Variants in INKA2 observed in about 807,000 individuals in gnomAD.
INKA2 encodes the protein PAK4-inhibitor INKA2.
In INKA2, 3 loss-of-function variants were observed where a neutral mutation model predicts 9.8. That is an observed-to-expected ratio of 0.31 (90% CI 0.14 to 0.79). The LOEUF (loss-of-function observed/expected upper bound fraction) is 0.79, where lower values mean the gene tolerates loss of function less well. INKA2 is among the 30% of genes least tolerant of loss of function. The pLI is 0.62. For missense variants in INKA2, 392 were observed against 384.4 expected, an observed-to-expected ratio of 1.02 and a Z score of -0.17; for synonymous variants, 147 against 143.3, an observed-to-expected ratio of 1.03 and a Z score of -0.18.
At chr1:111,755,557 C>G in intron 1 of INKA2, 1 of 901,068 alleles carries the variant, frequency 1.1e-6, no homozygotes, top group East Asian at 2.8e-5. Flanking sequence ...GCGTGACGCA[C>G]CGGGCGCATC....
At chr1:111,734,906 C>T (rs1662981340) in intron 1 of INKA2, among the ~76,000 whole-genome samples, 1 of 152,158 alleles carries the variant, frequency 6.6e-6, no homozygotes, top group Non-Finnish European at 1.5e-5. Flanking sequence ...TATTTCTGCC[C>T]CAGAGGTCTG....
upstream of INKA2, among the ~76,000 whole-genome samples, chr1:111,742,907 A>G (rs1287506417): frequency 2.0e-5 from 3 of 152,196 alleles, no homozygotes; most frequent in African/African-American, 4.8e-5. Flanking sequence ...GAGAAGGCCA[A>G]CGTTACCCCA....
rs1662765347 is a variant in INKA2, at chr1:111,726,192, ATGCC to A, written c.*772_*775del. 1 of 397,144 alleles carries A rather than the reference ATGCC, an allele frequency of 2.5e-6. No individual in the cohort carries two copies. Among genetic ancestry groups the A allele is most frequent in the Non-Finnish European group, 4.4e-6 (1 of 225,136 alleles). 24.6% of individuals were successfully genotyped at this position (397,144 alleles called of 1,614,324 possible). ...GTTTCCTTATCTGGAAAATGGGATCATGCCTGCCTGCCTCGCTCACTTTCAAATG... is the reference window on the plus strand; with the variant it reads ...GTTTCCTTATCTGGAAAATGGGATCATGCCTGCCTCGCTCACTTTCAAATG... On this transcript the variant is annotated 3_prime_UTR_variant, in exon 2 of 2. Transcript: ENST00000357260.
chr1:111,749,617 G>A (rs967034248), intron 1 of INKA2, among the ~76,000 whole-genome samples: 1 of 152,184 alleles, frequency 6.6e-6, no homozygotes, highest in Non-Finnish European at 1.5e-5. Context: ...AAGAGACAAA[G>A]GCCTCTTCAA....
intron 1 of INKA2, among the ~76,000 whole-genome samples, chr1:111,748,446 C>T (rs562772619): frequency 2.0e-5 from 3 of 152,198 alleles, no homozygotes; most frequent in South Asian, 2.1e-4. Flanking sequence ...GTCGAGAGCA[C>T]GGTTCTAAAT....
upstream of INKA2, among the ~76,000 whole-genome samples, chr1:111,740,640 GC>G (rs1180903115): frequency 6.6e-6 from 1 of 152,236 alleles, no homozygotes; most frequent in East Asian, 1.9e-4. Context: ...TGCCGGCGCC[GC>G]CATCGGTCCG....
rs1307540234 is a variant in INKA2 at position 111,726,668 on chromosome 1, C to T, written c.*300G>A. ...CTCTGCCCTCACCTACTGTCACCTC[C>T]AGCCCCAAAGTGAGTGCATGCATGC... is the stretch of plus-strand genomic sequence containing the variant. On this transcript the variant is annotated 3_prime_UTR_variant, in exon 2 of 2. Transcript: ENST00000357260. 7.8e-6 allele frequency: 3 copies of T among 383,572 alleles called. No homozygotes were observed. Among genetic ancestry groups the T allele is most frequent in the Non-Finnish European group, 1.4e-5 (3 of 211,374 alleles). 23.8% of individuals were successfully genotyped at this position (383,572 alleles called of 1,614,324 possible).
chr1:111,735,951 C>T (rs563858428), intron 1 of INKA2, among the ~76,000 whole-genome samples: 19 of 152,300 alleles, frequency 1.2e-4, no homozygotes, highest in African/African-American at 3.4e-4. Context: ...TCAGCCTTTA[C>T]GCATTCTATT....
chr1:111,751,781 A>AT (rs1162133313), intron 1 of INKA2, among the ~76,000 whole-genome samples: 2 of 152,050 alleles, frequency 1.3e-5, no homozygotes, highest in African/African-American at 4.8e-5. Flanking sequence ...ACTTTGATTC[A>AT]TTTTTCAGAC....
chr1:111,741,097 T>A (rs1197552152), upstream of INKA2, among the ~76,000 whole-genome samples: 2 of 123,594 alleles, frequency 1.6e-5, no homozygotes, highest in Admixed American at 8.6e-5. Context: ...GGGACAGAGA[T>A]GGAGGGGAAG....
At chr1:111,740,658 G>A (rs994210041), upstream of INKA2, among the ~76,000 whole-genome samples, 4 of 152,224 alleles carry the variant, frequency 2.6e-5, no homozygotes, top group Non-Finnish European at 4.4e-5. Flanking sequence ...TCCGTCCGTG[G>A]CAGCCAAAAG....
At chr1:111,737,662 C>T (rs967416374) in intron 1 of INKA2, among the ~76,000 whole-genome samples, 5 of 152,172 alleles carry the variant, frequency 3.3e-5, no homozygotes, top group African/African-American at 4.8e-5. Context: ...CATGTGCAAA[C>T]GACTATGGGA....
upstream of INKA2, among the ~76,000 whole-genome samples, chr1:111,739,633 C>T (rs758276269): frequency 6.6e-6 from 1 of 152,250 alleles, no homozygotes; most frequent in Non-Finnish European, 1.5e-5. Context: ...TGACTCCAGG[C>T]TGTACCGCGG....
chr1:111,722,947 A>G lies in INKA2; in HGVS notation c.*4021T>C, dbSNP rs1421561236. 6.5e-5 allele frequency: 41 copies of G among 632,962 alleles called. No individual in the cohort carries two copies. Among genetic ancestry groups the G allele is most frequent in the Non-Finnish European group, 8.5e-6 (3 of 352,004 alleles). The allele number at this position is 632,962 out of a possible 1,614,324, so 39.2% of individuals were successfully genotyped here. A position where few individuals can be genotyped will look rare whatever the true frequency, so the allele number is the denominator to read the frequency against. ...ACCGTAGGTGCATTATGTCCTTTAAATCTCACAGCAGCCCCACATTATCAC... is the reference window on the plus strand; with the variant it reads ...ACCGTAGGTGCATTATGTCCTTTAAGTCTCACAGCAGCCCCACATTATCAC... On this transcript the variant is annotated 3_prime_UTR_variant, in exon 2 of 2. Coordinates refer to ENST00000357260, the MANE Select transcript of INKA2 (RefSeq NM_019099.5).
At chr1:111,741,393 C>A (rs1187982803), upstream of INKA2, among the ~76,000 whole-genome samples, 1 of 152,350 alleles carries the variant, frequency 6.6e-6, no homozygotes, top group East Asian at 1.9e-4. Context: ...GCCCTCCTGC[C>A]TTTTCTGCAG....
In INKA2 at chr1:111,739,120, G is replaced by A. The variant is rs1663078122; in HGVS notation, c.57+66C>T. Reference sequence around the variant, plus strand: ...TACGTCCCGGCTCCCCGGGGGCCGGGGCGGAGACCAGGTGCCCGTCGGGGC... The same window carrying A: ...TACGTCCCGGCTCCCCGGGGGCCGGAGCGGAGACCAGGTGCCCGTCGGGGC... On this transcript the variant is annotated intron_variant, in intron 1 of 1. Transcript: ENST00000357260. The A allele has an allele frequency of 6.0e-6, 9 of 1,510,480 alleles. No individual in the cohort carries two copies. The Admixed American group carries it at 1.0e-4, about 17-fold the overall frequency. 93.6% of individuals were successfully genotyped at this position (1,510,480 alleles called of 1,614,324 possible).
rs1663220815 is a variant in INKA2 at position 111,744,595 on chromosome 1, T to C, written n.124+11106A>G. The C allele has an allele frequency of 2.8e-5, 4 of 140,998 alleles. No homozygotes were observed. The South Asian group carries it at 8.9e-4, about 31-fold the overall frequency. The allele number at this position is 140,998 out of a possible 1,614,324, so 8.7% of individuals were successfully genotyped here. A position where few individuals can be genotyped will look rare whatever the true frequency, so the allele number is the denominator to read the frequency against. On this transcript the variant is annotated intron_variant and non_coding_transcript_variant, in intron 1 of 1. Coordinates refer to the INKA2 transcript ENST00000444059. The stretch of plus-strand genomic sequence containing the variant: ...CTTTTTTTTTTTTTTTGAGACAGAG[T>C]CCCGCTCTGTCGCCCAAGCTGGAGT...
chr1:111,732,568 T>TAC (rs3085876), intron 1 of INKA2, among the ~76,000 whole-genome samples: 24,938 of 142,788 alleles, frequency 0.17, 2,168 homozygotes, highest in African/African-American at 0.24. Context: ...CTCTCTCTGT[T>TAC]ACACACACAC....
Position 111,726,915 on chromosome 1 carries a change from C to T in INKA2, c.*53G>A, listed in dbSNP as rs1662783493. ...CCCACCCTCCCTCCTCCCCAGGGGC[C>T]CAGCACTGGGACCTGGCCCTTTCAG... On this transcript the variant is annotated 3_prime_UTR_variant, in exon 2 of 2. Coordinates refer to ENST00000357260, the MANE Select transcript of INKA2 (RefSeq NM_019099.5). The T allele has an allele frequency of 1.9e-6, 3 of 1,544,190 alleles. No homozygotes were observed. Among genetic ancestry groups the T allele is most frequent in the Non-Finnish European group, 2.6e-6 (3 of 1,134,020 alleles).
Sources: gnomAD v4.1 joint callset for allele counts (sites outside exome capture counted in the v4.1 genomes callset) on GRCh38, gnomAD v4.1.1 for gene constraint, MANE v1.5 for transcripts, NCBI Gene and HGNC (gene_info 2026-07-23, HGNC 2026-07-21) for gene names.